The following CACNA2D1 variants were observed in gnomAD, a reference collection of about 807,000 sequenced individuals.
CACNA2D1 encodes the protein voltage-dependent calcium channel subunit alpha-2/delta-1.
A neutral mutation model predicts 171.5 loss-of-function variants in CACNA2D1; 53 were observed. That is an observed-to-expected ratio of 0.31 (90% CI 0.25 to 0.39). The LOEUF is 0.39. CACNA2D1 is among the 10% of genes least tolerant of loss of function. CACNA2D1 has a pLI of 1.00. For missense variants in CACNA2D1, 903 were observed against 1,299.8 expected, an observed-to-expected ratio of 0.69 and a Z score of 4.69; for synonymous variants, 442 against 443.1, an observed-to-expected ratio of 1.00 and a Z score of 0.03.
chr7:82,365,335 G>C (rs760493630), intron 1 of CACNA2D1, among the ~76,000 whole-genome samples: 8 of 152,244 alleles, frequency 5.3e-5, no homozygotes, highest in Non-Finnish European at 1.2e-4. Context: ...CAGTTCTCTA[G>C]ACTAAAATGA....
intron 2 of CACNA2D1, chr7:82,343,218 G>A (rs1260436438): frequency 6.6e-6 from 1 of 152,140 alleles, no homozygotes; most frequent in African/African-American, 2.4e-5. Context: ...TTCTTAGCTA[G>A]GACTATAGCA....
intron 18 of CACNA2D1, among the ~76,000 whole-genome samples, chr7:82,004,031 C>T (rs368719606): frequency 2.0e-5 from 3 of 152,136 alleles, no homozygotes; most frequent in South Asian, 4.1e-4. Flanking sequence ...AGGCATGAGC[C>T]GCCACGCCCA....
At chr7:82,315,147 C>CA (rs1003398859) in intron 3 of CACNA2D1, among the ~76,000 whole-genome samples, 4 of 150,268 alleles carry the variant, frequency 2.7e-5, no homozygotes, top group African/African-American at 7.3e-5. Context: ...GCAACAACAA[C>CA]AAAAAAAAGG....
intron 20 of CACNA2D1, among the ~76,000 whole-genome samples, chr7:81,994,619 GTTAATGTATAAGAAAACA>G (rs1797859673): frequency 6.6e-6 from 1 of 151,846 alleles, no homozygotes; most frequent in Non-Finnish European, 1.5e-5. Flanking sequence ...AGAATATACT[GTTAATGTATAAGAAAACA>G]TCAAGAAACC....
intron 3 of CACNA2D1, among the ~76,000 whole-genome samples, chr7:82,185,024 G>A (rs1317871743): frequency 6.6e-6 from 1 of 152,084 alleles, no homozygotes; most frequent in Non-Finnish European, 1.5e-5. Flanking sequence ...TTAAATAGAG[G>A]CTACCTATTC....
At chr7:82,377,691 T>C (rs1823178859) in intron 1 of CACNA2D1, among the ~76,000 whole-genome samples, 1 of 152,188 alleles carries the variant, frequency 6.6e-6, no homozygotes, top group African/African-American at 2.4e-5. Context: ...TTGCACTTTC[T>C]GCCCCTTGCC....
chr7:81,997,308 T>A, intron 18 of CACNA2D1, 58 bp from the exon 19 acceptor site: 1 of 1,085,302 alleles, frequency 9.2e-7, no homozygotes, highest in South Asian at 1.2e-5. Context: ...ATGCTGTGTA[T>A]AAAACAATTT....
chr7:82,286,195 T>C (rs1810743985), intron 3 of CACNA2D1, among the ~76,000 whole-genome samples: 1 of 152,140 alleles, frequency 6.6e-6, no homozygotes. Flanking sequence ...TTTAATCACC[T>C]AGACAGCAAC....
chr7:82,177,261 C>T (rs1796640510), intron 3 of CACNA2D1, among the ~76,000 whole-genome samples: 2 of 151,788 alleles, frequency 1.3e-5, no homozygotes, highest in South Asian at 2.1e-4. Context: ...CCTTATTCAC[C>T]TCTTCTGACC....
At chr7:82,064,588 T>G (rs1807376633) in intron 8 of CACNA2D1, among the ~76,000 whole-genome samples, 1 of 152,144 alleles carries the variant, frequency 6.6e-6, no homozygotes, top group South Asian at 2.1e-4. Context: ...TTTTTGATAT[T>G]TATAACAGAA....
chr7:82,210,671 A>G (rs1348128839), intron 3 of CACNA2D1, among the ~76,000 whole-genome samples: 2 of 152,202 alleles, frequency 1.3e-5, no homozygotes, highest in Non-Finnish European at 2.9e-5. Context: ...CATAAGTATC[A>G]AGGGATTTCA....
chr7:82,266,261 G>C (rs935763289), intron 3 of CACNA2D1, among the ~76,000 whole-genome samples: 3 of 152,146 alleles, frequency 2.0e-5, no homozygotes, highest in Non-Finnish European at 4.4e-5. Flanking sequence ...AGTGCAGGGT[G>C]CTATTTGTTA....
At chr7:82,097,081 G>A (rs1226483473) in intron 6 of CACNA2D1, among the ~76,000 whole-genome samples, 1 of 152,058 alleles carries the variant, frequency 6.6e-6, no homozygotes, top group Non-Finnish European at 1.5e-5. Flanking sequence ...ATTAAAGAAA[G>A]GGCAGAGAGG....
At chr7:81,952,957 T>C (rs575698688) in intron 38 of CACNA2D1, among the ~76,000 whole-genome samples, 2 of 152,094 alleles carry the variant, frequency 1.3e-5, no homozygotes, top group South Asian at 2.1e-4. Context: ...TACCAGTAAA[T>C]AGCATGGCAT....
At chr7:82,042,660 G>A (rs1562913350) in intron 10 of CACNA2D1, among the ~76,000 whole-genome samples, 1 of 152,122 alleles carries the variant, frequency 6.6e-6, no homozygotes, top group Non-Finnish European at 1.5e-5. Context: ...TGGAGGGTTT[G>A]TATTTCTACT....
chr7:82,257,023 T>C (rs968390784), intron 3 of CACNA2D1, among the ~76,000 whole-genome samples: 1 of 152,210 alleles, frequency 6.6e-6, no homozygotes, highest in African/African-American at 2.4e-5. Context: ...GGAACAAAAC[T>C]AACCTGAATT....
At chr7:82,198,956 C>T (rs1418087918) in intron 3 of CACNA2D1, among the ~76,000 whole-genome samples, 1 of 151,926 alleles carries the variant, frequency 6.6e-6, no homozygotes, top group Non-Finnish European at 1.5e-5. Flanking sequence ...ATTGTGTATT[C>T]TCATTTTCTC....
rs548145190 is a variant in CACNA2D1, at chr7:82,169,154, C to A, written c.354+1396G>T. On this transcript the variant is annotated intron_variant, in intron 4 of 38. Transcript: ENST00000356860. ...CCCTATTTGCAAAAACAAAAAAAAT[C>A]GTTTTTATCTAAAAGCAACTAAGTA... 3.9e-5 allele frequency among the ~76,000 whole-genome samples: 6 copies of A among 151,996 alleles called. No individual in the cohort carries two copies. The East Asian group carries it at 1.2e-3, about 30-fold the overall frequency.
intron 1 of CACNA2D1, among the ~76,000 whole-genome samples, chr7:82,406,901 T>A (rs1827117947): frequency 6.6e-6 from 1 of 152,184 alleles, no homozygotes; most frequent in African/African-American, 2.4e-5. Context: ...AGATAATTCC[T>A]CCCAAAAAAT....
Sources: allele counts gnomAD v4.1 joint callset (sites outside exome capture counted in the v4.1 genomes callset), GRCh38; gene constraint gnomAD v4.1.1; transcripts MANE v1.5; gene names NCBI Gene and HGNC (gene_info 2026-07-23, HGNC 2026-07-21).